Variants in KCNIP4 observed in about 807,000 individuals in gnomAD.
The protein encoded by KCNIP4 is Kv channel-interacting protein 4.
Under a neutral mutation model 34.0 loss-of-function variants are expected in KCNIP4, and 12 were observed. The observed-to-expected ratio is 0.35, with a 90% confidence interval of 0.23 to 0.57. KCNIP4 has a LOEUF of 0.57. Among genes scored for constraint, KCNIP4 ranks in the 20% least tolerant of loss-of-function variants. The probability of loss-of-function intolerance (pLI) is 0.83; values close to 1 mark genes in which losing one functional copy is unlikely to be tolerated. For missense variants in KCNIP4, 238 were observed against 311.7 expected (o/e 0.76, Z 1.78); for synonymous variants, 124 against 102.2 (o/e 1.21, Z -1.29).
At chr4:21,077,768 T>A (rs541847502) in intron 1 of KCNIP4, among the ~76,000 whole-genome samples, 1 of 152,232 alleles carries the variant, frequency 6.6e-6, no homozygotes. Context: ...TATCTGGGAA[T>A]AATCCTTTTT....
At chr4:21,764,138 G>A (rs2109175507) in intron 1 of KCNIP4, among the ~76,000 whole-genome samples, 1 of 152,260 alleles carries the variant, frequency 6.6e-6, no homozygotes, top group Non-Finnish European at 1.5e-5. Flanking sequence ...AATCATATAT[G>A]CATGATAAGC....
At chr4:21,026,071 G>A (rs1740535471) in intron 1 of KCNIP4, among the ~76,000 whole-genome samples, 1 of 152,062 alleles carries the variant, frequency 6.6e-6, no homozygotes, top group Admixed American at 6.5e-5. Flanking sequence ...GTGTAATAAA[G>A]GACAAAGTTG....
At chr4:20,955,589 G>A (rs1733217064) in intron 1 of KCNIP4, among the ~76,000 whole-genome samples, 1 of 151,940 alleles carries the variant, frequency 6.6e-6, no homozygotes, top group Non-Finnish European at 1.5e-5. Context: ...TTTCCAGCAA[G>A]TCCCATTCAA....
intron 1 of KCNIP4, among the ~76,000 whole-genome samples, chr4:20,896,291 T>G (rs1056339722): frequency 2.6e-5 from 4 of 152,200 alleles, no homozygotes; most frequent in Non-Finnish European, 5.9e-5. Flanking sequence ...GGAATTTAAC[T>G]TTTTTACTCT....
At chr4:21,392,525 A>G (rs1722653783) in intron 1 of KCNIP4, among the ~76,000 whole-genome samples, 3 of 152,208 alleles carry the variant, frequency 2.0e-5, no homozygotes, top group Admixed American at 2.0e-4. Flanking sequence ...GGCTTCGTGA[A>G]GGCACAAGCA....
chr4:21,282,313 T>A (rs1762826714), intron 1 of KCNIP4, among the ~76,000 whole-genome samples: 1 of 152,220 alleles, frequency 6.6e-6, no homozygotes, highest in African/African-American at 2.4e-5. Context: ...TAAGTAGATA[T>A]CTTTTACCAT....
At chr4:20,876,781 C>A (rs146661042) in intron 2 of KCNIP4, among the ~76,000 whole-genome samples, 5,429 of 152,180 alleles carry the variant, frequency 0.036, 99 homozygotes, top group African/African-American at 0.053. Flanking sequence ...ACCATGTTGG[C>A]CAGGCTGGTC....
At chr4:21,937,441 T>C (rs1324244138) in intron 1 of KCNIP4, among the ~76,000 whole-genome samples, 1 of 152,098 alleles carries the variant, frequency 6.6e-6, no homozygotes, top group Non-Finnish European at 1.5e-5. Context: ...CGCCTCCTCA[T>C]GATATCCCAA....
intron 3 of KCNIP4, among the ~76,000 whole-genome samples, chr4:20,773,524 G>C (rs1255907803): frequency 1.3e-5 from 2 of 152,300 alleles, no homozygotes; most frequent in African/African-American, 2.4e-5. Flanking sequence ...AGGGCTCTCT[G>C]GAGCTCAGAC....
chr4:21,636,310 AAAAG>A (rs966775882), intron 1 of KCNIP4, among the ~76,000 whole-genome samples: 14 of 152,132 alleles, frequency 9.2e-5, no homozygotes, highest in Non-Finnish European at 1.8e-4. Context: ...GGAAAAAAAA[AAAAG>A]AAAGAATCTG....
intron 1 of KCNIP4, among the ~76,000 whole-genome samples, chr4:21,091,651 C>A (rs993190492): frequency 2.6e-5 from 4 of 152,314 alleles, no homozygotes; most frequent in Admixed American, 1.3e-4. Context: ...TCTCACAGCT[C>A]TGGAGGCTGG....
chr4:21,640,842 A>G (rs1248343085), intron 1 of KCNIP4, among the ~76,000 whole-genome samples: 2 of 152,162 alleles, frequency 1.3e-5, no homozygotes, highest in Admixed American at 6.5e-5. Context: ...AGCAGATTCA[A>G]TGGTGTTTAA....
intron 1 of KCNIP4, among the ~76,000 whole-genome samples, chr4:21,348,855 A>G (rs1337769680): frequency 6.6e-6 from 1 of 152,128 alleles, no homozygotes; most frequent in African/African-American, 2.4e-5. Flanking sequence ...GGGGAAAGAG[A>G]GTTAGCTGTG....
chr4:21,396,549 C>CTAAAAAAAAAAA (rs1723016464), intron 1 of KCNIP4, among the ~76,000 whole-genome samples: 1 of 52,790 alleles, frequency 1.9e-5, no homozygotes, highest in Non-Finnish European at 3.9e-5. Flanking sequence ...AGCAAGACTC[C>CTAAAAAAAAAAA]AAAAAAAAAA....
intron 1 of KCNIP4, among the ~76,000 whole-genome samples, chr4:20,975,150 C>T (rs1368959783): frequency 6.6e-6 from 1 of 152,172 alleles, no homozygotes; most frequent in African/African-American, 2.4e-5. Context: ...AGGTCTGTCT[C>T]ACTTCAAAGA....
At chr4:20,825,407 G>T (rs1442020919) in intron 3 of KCNIP4, among the ~76,000 whole-genome samples, 1 of 151,932 alleles carries the variant, frequency 6.6e-6, no homozygotes, top group African/African-American at 2.4e-5. Context: ...TGAGAAAGTG[G>T]TAGAAAAAAA....
At chr4:21,489,239 A>T (rs1480839908) in intron 1 of KCNIP4, among the ~76,000 whole-genome samples, 10 of 150,980 alleles carry the variant, frequency 6.6e-5, no homozygotes, top group Admixed American at 6.6e-4. Context: ...GTGATAACTC[A>T]GTACTTTTGT....
At chr4:21,176,956 A>T (rs958343005) in intron 1 of KCNIP4, among the ~76,000 whole-genome samples, 2 of 152,250 alleles carry the variant, frequency 1.3e-5, no homozygotes, top group African/African-American at 4.8e-5. Flanking sequence ...GCTGATAAGC[A>T]GATATTCAGT....
At chr4:21,291,723 G>A (rs1289229348) in intron 1 of KCNIP4, among the ~76,000 whole-genome samples, 18 of 151,474 alleles carry the variant, frequency 1.2e-4, no homozygotes, top group Non-Finnish European at 2.4e-4. Context: ...GCATGGTGGT[G>A]GGCGCCTGTA....
Sources: allele counts gnomAD v4.1 joint callset (sites outside exome capture counted in the v4.1 genomes callset), GRCh38; gene constraint gnomAD v4.1.1; transcripts MANE v1.5; gene names NCBI Gene and HGNC (gene_info 2026-07-23, HGNC 2026-07-21).